The following ASB9 variants were observed in gnomAD, a reference collection of about 807,000 sequenced individuals.
The protein encoded by ASB9 is ankyrin repeat and SOCS box containing 9.
In ASB9, 5 loss-of-function variants were observed where a neutral mutation model predicts 16.6. The ratio of observed to expected loss-of-function variants is 0.30; its 90% CI spans 0.16 to 0.63. ASB9 has a LOEUF of 0.63. ASB9 is among the 30% of genes least tolerant of loss of function. ASB9 has a pLI of 0.82. For synonymous variants in ASB9, 100 were observed against 86.4 expected (o/e 1.16, Z -0.87); for missense variants, 216 against 229.4 (o/e 0.94, Z 0.38).
chrX:15,250,402 T>C (rs1925009821), intron 5 of ASB9, 28 bp downstream of exon 5: 1 of 1,192,868 alleles, frequency 8.4e-7, no homozygotes, highest in South Asian at 1.8e-5. Flanking sequence ...CGTTTTCTTT[T>C]CTTGTTTTGG....
At chrX:15,245,151 A>C (rs759448951) in intron 6 of ASB9, among the ~76,000 whole-genome samples, 3 of 111,835 alleles carry the variant, frequency 2.7e-5, no homozygotes, top group African/African-American at 6.5e-5. Flanking sequence ...CATAAGTGAA[A>C]AGTGAACTAG....
At chrX:15,258,010 C>G (rs1271253335) in intron 2 of ASB9, among the ~76,000 whole-genome samples, 1 of 111,917 alleles carries the variant, frequency 8.9e-6, no homozygotes, top group Non-Finnish European at 1.9e-5. Flanking sequence ...AGCTGGGAGC[C>G]AAGCCCAGCC....
chrX:15,258,797 G>A (rs1485990533), intron 2 of ASB9, 69 bp downstream of exon 2: 1 of 877,258 alleles, frequency 1.1e-6, no homozygotes, highest in African/African-American at 2.0e-5. Context: ...AAGTCCCTAT[G>A]TTATTATGTC....
In ASB9 at chrX:15,252,397, C is replaced by T; in HGVS notation, c.290G>A (p.Gly97Asp). 8.4e-7 allele frequency: 1 copy of T among 1,194,769 alleles called. No individual in the cohort carries two copies. Among genetic ancestry groups the T allele is most frequent in the Non-Finnish European group, 1.1e-6 (1 of 887,918 alleles). Reference sequence around the variant, plus strand: ...TGGAGTGTGCCAGTCTGCTGTCACACCATTCACCTGGTAAAAGAAGCTCCA... The same window carrying T: ...TGGAGTGTGCCAGTCTGCTGTCACATCATTCACCTGGTAAAAGAAGCTCCA... Reference protein sequence around the residue: ...ILLKHGAQVNGVTADWHTPLF... With the variant: ...ILLKHGAQVNDVTADWHTPLF... Residue 97 changes from glycine (G) to aspartate (D), a missense_variant, in exon 4 of 7, where the codon GGT (glycine) becomes GAT (aspartate). Transcript: ENST00000380488.
chrX:15,263,575 G>A (rs749160035), intron 1 of ASB9, among the ~76,000 whole-genome samples: 27 of 80,219 alleles, frequency 3.4e-4, no homozygotes, highest in Middle Eastern at 6.2e-3. Context: ...TCTCTTTCCT[G>A]TCTCCCTCTC....
intron 6 of ASB9, among the ~76,000 whole-genome samples, chrX:15,247,967 T>G (rs1924804437): frequency 8.9e-6 from 1 of 112,258 alleles, no homozygotes; most frequent in African/African-American, 3.2e-5. Context: ...ATAACTAGAT[T>G]GTATAACATC....
chrX:15,250,538 T>C lies in ASB9; in HGVS notation c.460A>G (p.Ile154Val). 1 of 1,208,778 alleles carries C rather than the reference T, an allele frequency of 8.3e-7. No individual in the cohort carries two copies. The highest frequency in any genetic ancestry group is 1.1e-6 in the Non-Finnish European group (1 of 893,590). Residue 154 changes from isoleucine (I) to valine (V), a missense_variant, in exon 5 of 7, where the codon ATA becomes GTA. Ile to Val is a conservative substitution (Grantham distance 29, BLOSUM62 3). Transcript: ENST00000380488. ...RGHVECVNSLIAYGGNIDHKI... is the reference protein window; with the variant it reads ...RGHVECVNSLVAYGGNIDHKI... ...TGGTCAATGTTGCCCCCATAAGCTA[T>C]AAGAGAGTTGACACACTCCACGTGG...
intron 1 of ASB9, among the ~76,000 whole-genome samples, chrX:15,264,927 G>A (rs1926263164): frequency 9.0e-6 from 1 of 111,666 alleles, no homozygotes; most frequent in Non-Finnish European, 1.9e-5. Context: ...CACAACAGGA[G>A]GTAAGAAACC....
rs761537016 is a variant in ASB9, at chrX:15,266,707, T to C, written c.94+3074A>G. Among the ~76,000 whole-genome samples, 957 of 106,991 alleles carry C rather than the reference T, an allele frequency of 8.9e-3. 18 individuals carry two copies. Among genetic ancestry groups the C allele is most frequent in the African/African-American group, 0.031 (894 of 29,182 alleles). 92.9% of individuals were successfully genotyped at this position (106,991 alleles called of 115,157 possible). A position where few individuals can be genotyped will look rare whatever the true frequency, so the allele number is the denominator to read the frequency against. ...ATCCCAGCACTTTGGGAGGCCAAGG[T>C]GGGTGGATCACGAGGTCAGGAGATT... On this transcript the variant is annotated intron_variant, in intron 1 of 6. Coordinates refer to ENST00000380488, the MANE Select transcript of ASB9 (RefSeq NM_001031739.3).
intron 4 of ASB9, 41 bp from the exon 5 acceptor site, chrX:15,250,605 T>C: frequency 2.6e-6 from 3 of 1,149,954 alleles, no homozygotes; most frequent in Non-Finnish European, 3.5e-6. Context: ...ACAATACAAG[T>C]TCCCTTAGCT....
intron 1 of ASB9, among the ~76,000 whole-genome samples, chrX:15,267,497 C>G (rs1407769068): frequency 3.3e-5 from 3 of 90,313 alleles, no homozygotes; most frequent in African/African-American, 1.2e-4. Context: ...GTAATCCCAG[C>G]ACTTTGGGAG....
intron 2 of ASB9, among the ~76,000 whole-genome samples, chrX:15,258,362 G>A (rs1302121668): frequency 2.7e-5 from 3 of 112,038 alleles, no homozygotes; most frequent in African/African-American, 9.7e-5. Flanking sequence ...AATTTTATCT[G>A]AGAAGTAGCC....
At chrX:15,245,200 C>T (rs1602132235) in intron 6 of ASB9, among the ~76,000 whole-genome samples, 1 of 111,497 alleles carries the variant, frequency 9.0e-6, no homozygotes, top group South Asian at 3.8e-4. Context: ...CAACAGTTTA[C>T]ATTTTAGGAC....
At chrX:15,251,694 C>A (rs1569154348) in intron 4 of ASB9, among the ~76,000 whole-genome samples, 1 of 111,893 alleles carries the variant, frequency 8.9e-6, no homozygotes, top group Non-Finnish European at 1.9e-5. Flanking sequence ...CTAAGACTAT[C>A]AGAAAAATTA....
chrX:15,246,126 G>A (rs907612254), intron 6 of ASB9, among the ~76,000 whole-genome samples: 14 of 111,994 alleles, frequency 1.3e-4, no homozygotes, highest in African/African-American at 4.2e-4. Flanking sequence ...GCTGTCAGAG[G>A]CAACCGTAGG....
chrX:15,244,691 T>TGGAAAA, intron 6 of ASB9, 61 bp from the exon 7 acceptor site: 2 of 986,350 alleles, frequency 2.0e-6, no homozygotes, highest in Non-Finnish European at 2.7e-6. Context: ...CTCCTTTTTT[T>TGGAAAA]TAAAAAAAAA....
chrX:15,245,034 G>A (rs1276598994), intron 6 of ASB9, among the ~76,000 whole-genome samples: 2 of 112,014 alleles, frequency 1.8e-5, no homozygotes, highest in African/African-American at 3.2e-5. Context: ...TATAACTTGA[G>A]CAAATTAAGG....
At chrX:15,258,735 A>G (rs1925762335) in intron 2 of ASB9, 131 bp downstream of exon 2, 3 of 472,084 alleles carry the variant, frequency 6.4e-6, no homozygotes, top group Non-Finnish European at 1.1e-5. Context: ...TTTAGACGTT[A>G]TGGTAGTTAC....
intron 4 of ASB9, among the ~76,000 whole-genome samples, chrX:15,251,213 G>A (rs1448605850): frequency 8.9e-6 from 1 of 112,017 alleles, no homozygotes; most frequent in Non-Finnish European, 1.9e-5. Flanking sequence ...GGAGAGATAT[G>A]GAGGAACAGG....
Sources: gnomAD v4.1 joint callset for allele counts (sites outside exome capture counted in the v4.1 genomes callset) on GRCh38, gnomAD v4.1.1 for gene constraint, MANE v1.5 for transcripts, NCBI Gene and HGNC (gene_info 2026-07-23, HGNC 2026-07-21) for gene names.